GABBR2: variants seen among roughly 807,000 people sequenced by gnomAD.
GABBR2 encodes the protein G-protein coupled receptor 51.
In GABBR2, 23 loss-of-function variants were observed where a neutral mutation model predicts 105.6. That is an observed-to-expected ratio of 0.22 (90% CI 0.16 to 0.31). GABBR2 has a LOEUF of 0.31. Among genes scored for constraint, GABBR2 ranks in the 10% least tolerant of loss-of-function variants. The pLI is 1.00. For missense variants in GABBR2, 734 were observed against 1,245.5 expected (o/e 0.59, Z 6.18); for synonymous variants, 478 against 499.7 (o/e 0.96, Z 0.58).
At chr9:98,414,255 C>T (rs1387229014) in intron 7 of GABBR2, among the ~76,000 whole-genome samples, 2 of 152,196 alleles carry the variant, frequency 1.3e-5, no homozygotes, top group African/African-American at 4.8e-5. Context: ...AGGAAGGTGG[C>T]ATTTGCACTG....
At chr9:98,362,914 A>C in intron 12 of GABBR2, 77 bp from the exon 13 acceptor site, 1 of 1,301,892 alleles carries the variant, frequency 7.7e-7, no homozygotes, top group Non-Finnish European at 1.0e-6. Flanking sequence ...CCCAGGTCAT[A>C]GGGGGAACCT....
At chr9:98,687,695 T>C (rs337531) in intron 1 of GABBR2, among the ~76,000 whole-genome samples, 139,437 of 152,122 alleles carry the variant, frequency 0.92, 64,012 homozygotes, top group Middle Eastern at 0.96. Flanking sequence ...CTGGATTTCC[T>C]ACAACCCGGT....
intron 17 of GABBR2, among the ~76,000 whole-genome samples, chr9:98,295,185 C>G (rs1222564793): frequency 6.6e-6 from 1 of 152,196 alleles, no homozygotes; most frequent in Non-Finnish European, 1.5e-5. Flanking sequence ...TGCTGACATG[C>G]ACGGTGTGGG....
chr9:98,519,932 C>T (rs1827833569), intron 3 of GABBR2, among the ~76,000 whole-genome samples: 1 of 152,118 alleles, frequency 6.6e-6, no homozygotes, highest in African/African-American at 2.4e-5. Context: ...GGATAAAGAG[C>T]CTATGGTTCT....
In GABBR2 at chr9:98,290,744, TG is replaced by T; in HGVS notation, c.2665del (p.Gln889SerfsTer120). 6.7e-7 allele frequency: 1 copy of T among 1,484,462 alleles called. No individual in the cohort carries two copies. The highest frequency in any genetic ancestry group is 8.9e-7 in the Non-Finnish European group (1 of 1,128,354). 92.0% of individuals were successfully genotyped at this position (1,484,462 alleles called of 1,614,324 possible). ...IEDINSPEHI[Q>X]RRLSLQLPIL... ...GGGGAGCTGGAGGGACAGCCGACGC[TG>T]GATGCTGAAGAGAAGGAGAGGGAGG... On this transcript the variant is annotated frameshift_variant, in exon 19 of 19. Coordinates refer to ENST00000259455, the MANE Select transcript of GABBR2 (RefSeq NM_005458.8). LOFTEE classifies it high-confidence loss of function.
intron 7 of GABBR2, among the ~76,000 whole-genome samples, chr9:98,446,018 T>TA (rs1170504193): frequency 6.6e-6 from 1 of 152,156 alleles, no homozygotes; most frequent in Non-Finnish European, 1.5e-5. Flanking sequence ...TTCAAATCCC[T>TA]AGAGTGAATG....
At chr9:98,406,382 A>C (rs1042586553) in intron 7 of GABBR2, among the ~76,000 whole-genome samples, 5 of 152,272 alleles carry the variant, frequency 3.3e-5, no homozygotes, top group African/African-American at 1.2e-4. Flanking sequence ...TGTGAATTGA[A>C]GCCAAGATAA....
intron 9 of GABBR2, among the ~76,000 whole-genome samples, chr9:98,389,521 AT>A (rs1260111144): frequency 6.6e-6 from 1 of 152,176 alleles, no homozygotes; most frequent in Non-Finnish European, 1.5e-5. Context: ...CTTCAATGTC[AT>A]TGTGTTTTAA....
intron 1 of GABBR2, among the ~76,000 whole-genome samples, chr9:98,608,612 C>T (rs746629472): frequency 5.3e-5 from 8 of 152,078 alleles, no homozygotes; most frequent in Non-Finnish European, 1.2e-4. Flanking sequence ...ACAGTTGACC[C>T]TATGTTTTGA....
chr9:98,330,062 T>C (rs566145303), intron 13 of GABBR2, among the ~76,000 whole-genome samples: 5 of 152,334 alleles, frequency 3.3e-5, no homozygotes, highest in African/African-American at 1.2e-4. Flanking sequence ...CATTCTCCAC[T>C]GCTGAATTTC....
rs191343412 is a variant in GABBR2, at chr9:98,317,955, T to C, written c.1894-6750A>G. On this transcript the variant is annotated intron_variant, in intron 13 of 18. Transcript: ENST00000259455. ...ATCAGGTAGCCTGGGATGGCTACTC[T>C]GCAGTGGTGACATTTAGTCTGAGAC... 3.6e-3 allele frequency among the ~76,000 whole-genome samples: 546 copies of C among 152,362 alleles called. 3 individuals are homozygous for C. The highest frequency in any genetic ancestry group is 0.013 in the African/African-American group (526 of 41,596).
intron 13 of GABBR2, among the ~76,000 whole-genome samples, chr9:98,333,584 G>C (rs1009507623): frequency 6.6e-6 from 1 of 152,060 alleles, no homozygotes; most frequent in African/African-American, 2.4e-5. Flanking sequence ...TTTTTATAAG[G>C]ACACCTGTCA....
intron 13 of GABBR2, among the ~76,000 whole-genome samples, chr9:98,349,262 A>G (rs192269964): frequency 3.3e-5 from 5 of 150,572 alleles, no homozygotes. Context: ...CATTCTTGCA[A>G]CCCTAGGATA....
intron 3 of GABBR2, among the ~76,000 whole-genome samples, chr9:98,539,927 A>AG (rs1416754250): frequency 1.3e-5 from 2 of 151,774 alleles, no homozygotes; most frequent in African/African-American, 2.4e-5. Flanking sequence ...AAAAAAAAAA[A>AG]AAAAAGAAAA....
At chr9:98,682,420 G>A (rs1479487850) in intron 1 of GABBR2, among the ~76,000 whole-genome samples, 5 of 123,630 alleles carry the variant, frequency 4.0e-5, no homozygotes, top group African/African-American at 1.6e-4. Context: ...TTGTGGCCCA[G>A]GCTAGACTAC....
chr9:98,559,656 G>A (rs1283109543), intron 2 of GABBR2, among the ~76,000 whole-genome samples: 1 of 151,994 alleles, frequency 6.6e-6, no homozygotes, highest in Non-Finnish European at 1.5e-5. Context: ...AAAAATTATA[G>A]ATGCATTTAT....
At chr9:98,556,147 G>A (rs1481169074) in intron 2 of GABBR2, among the ~76,000 whole-genome samples, 1 of 152,206 alleles carries the variant, frequency 6.6e-6, no homozygotes, top group South Asian at 2.1e-4. Context: ...AACAGGGTTT[G>A]CGCCCCATCC....
At chr9:98,510,119 C>T (rs1827606207) in intron 3 of GABBR2, among the ~76,000 whole-genome samples, 1 of 152,366 alleles carries the variant, frequency 6.6e-6, no homozygotes, top group East Asian at 1.9e-4. Context: ...CAATATTCAA[C>T]ATTCTTAAAG....
chr9:98,448,316 T>A lies in GABBR2; in HGVS notation c.1236+5665A>T, dbSNP rs11791946. The stretch of plus-strand genomic sequence containing the variant: ...GGAGCCTCTTTCAATTTCCCTATGG[T>A]CAAATGCTCTTGACACCTAAAAGCC... On this transcript the variant is annotated intron_variant, in intron 7 of 18. Coordinates refer to ENST00000259455, the MANE Select transcript of GABBR2 (RefSeq NM_005458.8). Among the ~76,000 whole-genome samples the A allele has an allele frequency of 5.3e-3, 803 of 151,988 alleles. 1 individual carries two copies. The highest frequency in any genetic ancestry group is 9.1e-3 in the Admixed American group (139 of 15,232).
Sources: allele counts gnomAD v4.1 joint callset (sites outside exome capture counted in the v4.1 genomes callset), GRCh38; gene constraint gnomAD v4.1.1; transcripts MANE v1.5; gene names NCBI Gene and HGNC (gene_info 2026-07-23, HGNC 2026-07-21).